HP1BP3: variants seen among roughly 807,000 people sequenced by gnomAD.
HP1BP3 encodes the protein heterochromatin protein 1-binding protein 3.
A neutral mutation model predicts 62.5 loss-of-function variants in HP1BP3; 12 were observed. That is an observed-to-expected ratio of 0.19 (90% CI 0.12 to 0.31). The LOEUF (loss-of-function observed/expected upper bound fraction) is 0.31. Ranked by LOEUF, HP1BP3 falls within the 10% of genes least tolerant of loss-of-function variation. The pLI, the probability that HP1BP3 is intolerant of heterozygous loss-of-function variation, is 1.00. For missense variants in HP1BP3, 502 were observed against 651.8 expected, an observed-to-expected ratio of 0.77 and a Z score of 2.50; for synonymous variants, 260 against 237.8, an observed-to-expected ratio of 1.09 and a Z score of -0.86.
At chr1:20,767,433 G>C in intron 7 of HP1BP3, 151 bp downstream of exon 7, 1 of 689,830 alleles carries the variant, frequency 1.4e-6, no homozygotes, top group Non-Finnish European at 2.6e-6. Flanking sequence ...CTACTCACTA[G>C]AGGAACAAAT....
In HP1BP3 at chr1:20,773,259, A is replaced by T. The variant is rs201008664; in HGVS notation, c.510+192T>A. On this transcript the variant is annotated intron_variant, in intron 5 of 12. Transcript: ENST00000438032. ...TTGCTATATTAAATATAATTTTTTT[A>T]AAAAAATTAACAGTGTTCACCAAAT... Among the ~76,000 whole-genome samples, 68 of 151,894 alleles carry T rather than the reference A, an allele frequency of 4.5e-4. No homozygotes were observed. The East Asian group carries it at 4.5e-3, about 10-fold the overall frequency.
chr1:20,763,583 G>A (rs769087727), intron 8 of HP1BP3, among the ~76,000 whole-genome samples: 1 of 152,186 alleles, frequency 6.6e-6, no homozygotes, highest in Non-Finnish European at 1.5e-5. Flanking sequence ...GTCTTCTGTA[G>A]ACAGAAATCT....
At chr1:20,779,013 C>T (rs1196852389) in intron 3 of HP1BP3, among the ~76,000 whole-genome samples, 3 of 152,094 alleles carry the variant, frequency 2.0e-5, no homozygotes, top group Non-Finnish European at 4.4e-5. Context: ...TGGTCTCGAA[C>T]TCCTGACCTC....
intron 8 of HP1BP3, among the ~76,000 whole-genome samples, chr1:20,762,852 T>C (rs899337054): frequency 2.0e-5 from 3 of 152,110 alleles, no homozygotes; most frequent in African/African-American, 7.2e-5. Context: ...AATCTTAACC[T>C]TGGCAAAATA....
Position 20,757,224 on chromosome 1 carries a change from G to A in HP1BP3, c.923C>T (p.Ala308Val). Residue 308 changes from alanine to valine, a missense_variant, in exon 9 of 13, where the codon GCA becomes GTA. Ala to Val is a moderately conservative substitution (Grantham distance 64). This residue lies in a region of HP1BP3 where 111 missense variants were observed against 242.0 expected (regional missense o/e 0.46). Coordinates refer to ENST00000438032, the MANE Select transcript of HP1BP3 (RefSeq NM_001372052.1). ...CTGTTCTAACTGGCCCCTCTCTACT[G>A]CTCTCTGCAGAGCGTTCTTCAACAG... The part of the protein sequence containing the change: ...PQLLKNALQR[A>V]VERGQLEQIT... 1 of 1,611,626 alleles carries A rather than the reference G, an allele frequency of 6.2e-7. No homozygotes were observed. Among genetic ancestry groups the A allele is most frequent in the South Asian group, 1.1e-5 (1 of 90,888 alleles).
intron 2 of HP1BP3, 73 bp downstream of exon 2, chr1:20,780,272 C>G (rs1314592824): frequency 9.3e-7 from 1 of 1,072,440 alleles, no homozygotes; most frequent in East Asian, 2.4e-5. Context: ...GAACATGTAC[C>G]AAGAAGGACC....
chr1:20,784,701 C>T (rs904730453), intron 1 of HP1BP3, among the ~76,000 whole-genome samples: 2 of 152,106 alleles, frequency 1.3e-5, no homozygotes, highest in African/African-American at 4.8e-5. Flanking sequence ...TGGTCTCGAT[C>T]TCCTGACCTC....
At chr1:20,764,690 GGA>G (rs142206097) in intron 8 of HP1BP3, among the ~76,000 whole-genome samples, 51,040 of 130,092 alleles carry the variant, frequency 0.39, 9,330 homozygotes, top group Non-Finnish European at 0.42. Context: ...ATTTGGGTTT[GGA>G]AAAAAAAAAA....
In HP1BP3 at chr1:20,771,044, C is replaced by T. The variant is rs758827780; in HGVS notation, c.540G>A (p.Val180=). ...KACFQKSGAS[V]VAIRKYIIHK... is the part of the protein sequence containing the mutation. ...GGATGATGTATTTTCGAATAGCAAC[C>T]ACTGATGCACCACTCTTCTGGAAGC... The change falls in exon 6 of 13, where the codon GTG becomes GTA. Residue 180 remains valine (V), a synonymous_variant. Transcript: ENST00000438032. The T allele has an allele frequency of 6.2e-7, 1 of 1,607,688 alleles. No homozygotes were observed. Among genetic ancestry groups the T allele is most frequent in the Non-Finnish European group, 8.5e-7 (1 of 1,178,038 alleles).
intron 3 of HP1BP3, among the ~76,000 whole-genome samples, chr1:20,778,159 A>ATTTAAT (rs75927369): frequency 0.98 from 148,869 of 152,134 alleles, 72,899 homozygotes; most frequent in East Asian, 1. Context: ...AGACTTATAA[A>ATTTAAT]TTTACATTAT....
intron 6 of HP1BP3, among the ~76,000 whole-genome samples, chr1:20,770,186 TAAC>T (rs540455144): frequency 1.3e-5 from 2 of 152,220 alleles, no homozygotes; most frequent in Non-Finnish European, 2.9e-5. Context: ...CTGATACTCT[TAAC>T]AGGCTTTAAT....
At chr1:20,750,826 T>TTC (rs1459842415) in intron 9 of HP1BP3, among the ~76,000 whole-genome samples, 1 of 148,412 alleles carries the variant, frequency 6.7e-6, no homozygotes, top group Admixed American at 6.7e-5. Context: ...CTTTTTTTTT[T>TTC]TTTTTTTTTG....
At position 20,742,533 on chromosome 1, in the gene HP1BP3, A is replaced by G. The variant is rs2055111144; in HGVS notation, c.*2264T>C. Reference sequence around the variant, plus strand: ...TCGTTTACCCTCTATAAGAATTCCAAAACACATGAACTGGAGCTTGTATTT... The same window carrying G: ...TCGTTTACCCTCTATAAGAATTCCAGAACACATGAACTGGAGCTTGTATTT... On this transcript the variant is annotated 3_prime_UTR_variant, in exon 13 of 13. Coordinates refer to ENST00000438032, the MANE Select transcript of HP1BP3 (RefSeq NM_001372052.1). 6.6e-6 allele frequency: 1 copy of G among 152,570 alleles called. No homozygotes were observed. Among genetic ancestry groups the G allele is most frequent in the African/African-American group, 2.4e-5 (1 of 41,456 alleles). 9.5% of individuals were successfully genotyped at this position (152,570 alleles called of 1,614,324 possible).
Position 20,780,428 on chromosome 1 carries a change from T to C in HP1BP3, c.13A>G (p.Thr5Ala), listed in dbSNP as rs1446963532. ...GGATGGACGAGTTCACCTTGAGACGTATCAGTCGCCATTTTAAATAATTTC... is the reference window on the plus strand; with the variant it reads ...GGATGGACGAGTTCACCTTGAGACGCATCAGTCGCCATTTTAAATAATTTC... MATD[T>A]SQGELVHPKA... The change falls in exon 2 of 13, where the codon ACG becomes GCG. Residue 5 changes from threonine (T) to alanine (A), a missense_variant. Around this residue, in one of 5 missense-constraint regions of HP1BP3, gnomAD observed 165 missense variants for 156.4 expected, o/e 1.05. Transcript: ENST00000438032. The C allele has an allele frequency of 3.1e-6, 5 of 1,612,294 alleles. No individual in the cohort carries two copies. The highest frequency in any genetic ancestry group is 4.2e-6 in the Non-Finnish European group (5 of 1,178,416).
Position 20,740,376 on chromosome 1 carries a change from T to C in HP1BP3, c.*4421A>G, listed in dbSNP as rs1339054032. Among the ~76,000 whole-genome samples, 1 of 152,236 alleles carries C rather than the reference T, an allele frequency of 6.6e-6. No individual in the cohort carries two copies. Among genetic ancestry groups the C allele is most frequent in the East Asian group, 1.9e-4 (1 of 5,196 alleles). On this transcript the variant is annotated 3_prime_UTR_variant, in exon 13 of 13. Transcript: ENST00000438032. ...TTTGAGGAAAATCGCTTCAGCCTTT[T>C]GAGGCCTCCTTTGACATACCAGTGG...
chr1:20,747,036 T>C (rs1404451783), intron 11 of HP1BP3, among the ~76,000 whole-genome samples: 10 of 152,142 alleles, frequency 6.6e-5, no homozygotes, highest in African/African-American at 2.4e-5. Flanking sequence ...CAAAAACTTA[T>C]ACATAATCCT....
At chr1:20,760,577 T>C (rs1194729347) in intron 8 of HP1BP3, among the ~76,000 whole-genome samples, 1 of 148,746 alleles carries the variant, frequency 6.7e-6, no homozygotes, top group Non-Finnish European at 1.5e-5. Flanking sequence ...GCACAGTGGC[T>C]CACGTCTGTA....
chr1:20,778,715 G>GAA (rs1422845080), intron 3 of HP1BP3, among the ~76,000 whole-genome samples: 1 of 151,870 alleles, frequency 6.6e-6, no homozygotes, highest in East Asian at 1.9e-4. Flanking sequence ...GGCTCAGCCA[G>GAA]AAAAGAGTAT....
intron 12 of HP1BP3, 114 bp from the exon 13 acceptor site, chr1:20,745,205 GA>G (rs1282461445): frequency 8.3e-7 from 1 of 1,197,960 alleles, no homozygotes; most frequent in Admixed American, 2.6e-5. Context: ...CTTACGTTAA[GA>G]ATAGGAATGT....
Sources: gnomAD v4.1 joint callset for allele counts (sites outside exome capture counted in the v4.1 genomes callset) on GRCh38, gnomAD v4.1.1 for gene constraint, gnomAD v4.1.1 regional missense constraint, MANE v1.5 for transcripts, NCBI Gene and HGNC (gene_info 2026-07-23, HGNC 2026-07-21) for gene names.